NETO1: variants seen among roughly 807,000 people sequenced by gnomAD.
The protein encoded by NETO1 is neuropilin and tolloid like 1.
In NETO1, 26 loss-of-function variants were observed where a neutral mutation model predicts 61.3. The ratio of observed to expected loss-of-function variants is 0.42; its 90% CI spans 0.31 to 0.59. The LOEUF (loss-of-function observed/expected upper bound fraction) is 0.59, where lower values mean the gene tolerates loss of function less well. NETO1 is among the 20% of genes least tolerant of loss of function. NETO1 has a pLI of 0.12. For synonymous variants in NETO1, 225 were observed against 225.8 expected (o/e 1.00, Z 0.03); for missense variants, 531 against 662.8 (o/e 0.80, Z 2.18).
intron 1 of NETO1, chr18:72,865,522 T>TGTCACACACAGTACAGTGGGACTACAGGA (rs879940821): frequency 8.2e-6 from 13 of 1,583,550 alleles, no homozygotes; most frequent in African/African-American, 1.3e-5. Flanking sequence ...AATTTACTCA[T>TGTCACACACAGTACAGTGGGACTACAGGA]GTCACACACA....
chr18:72,792,258 C>T (rs1169982346), intron 6 of NETO1, among the ~76,000 whole-genome samples: 7 of 151,972 alleles, frequency 4.6e-5, no homozygotes, highest in African/African-American at 1.7e-4. Flanking sequence ...GTGGAGAAAC[C>T]CCGTCTCTAA....
rs111487783 is a variant in NETO1, at chr18:72,828,039, G to A, written c.469+30787C>T. 3.1e-3 allele frequency among the ~76,000 whole-genome samples: 478 copies of A among 152,296 alleles called. 3 individuals carry two copies. Among genetic ancestry groups the A allele is most frequent in the African/African-American group, 0.01 (436 of 41,566 alleles). On this transcript the variant is annotated intron_variant, in intron 4 of 10. Transcript: ENST00000327305. ...CAATAAATTAAAAATGCAGCCAGGC[G>A]TGGTGGCTCACGCCTGTAATCCCAA...
In NETO1 at chr18:72,772,759, C is replaced by CTATCTATA. The variant is rs1555684130; in HGVS notation, c.868+10918_868+10919insTATAGATA. ...CACACACACATCTCTCTATATATAT[C>CTATCTATA]TATATATATATATATATACAGATCT... On this transcript the variant is annotated intron_variant, in intron 7 of 10. Transcript: ENST00000327305. 4.0e-4 allele frequency among the ~76,000 whole-genome samples: 41 copies of CTATCTATA among 102,346 alleles called. 2 individuals are homozygous for CTATCTATA. The highest frequency in any genetic ancestry group is 6.6e-4 in the Non-Finnish European group (34 of 51,462). 67.1% of individuals were successfully genotyped at this position (102,346 alleles called of 152,430 possible). A position where few individuals can be genotyped will look rare whatever the true frequency, so the allele number is the denominator to read the frequency against.
chr18:72,802,291 C>T (rs984442358), intron 4 of NETO1, among the ~76,000 whole-genome samples: 1 of 152,118 alleles, frequency 6.6e-6, no homozygotes, highest in Non-Finnish European at 1.5e-5. Context: ...GGTCGAGAAG[C>T]TCACAGGAGG....
At chr18:72,751,076 C>CACACACACACACAA (rs770327024) in intron 8 of NETO1, among the ~76,000 whole-genome samples, 2 of 151,768 alleles carry the variant, frequency 1.3e-5, no homozygotes, top group African/African-American at 4.8e-5. Flanking sequence ...CACACACACA[C>CACACACACACACAA]AATCTATCTA....
intron 7 of NETO1, among the ~76,000 whole-genome samples, chr18:72,759,400 C>A (rs918400499): frequency 3.3e-5 from 5 of 152,028 alleles, no homozygotes; most frequent in African/African-American, 7.3e-5. Flanking sequence ...ATATTTGAGG[C>A]TTGTGACTAT....
intron 3 of NETO1, among the ~76,000 whole-genome samples, chr18:72,860,869 G>C (rs895707475): frequency 6.6e-6 from 1 of 152,140 alleles, no homozygotes; most frequent in Non-Finnish European, 1.5e-5. Flanking sequence ...TCAGTACTAA[G>C]TATAGCGCTT....
intron 7 of NETO1, among the ~76,000 whole-genome samples, chr18:72,768,603 G>A (rs753988182): frequency 4.6e-5 from 7 of 152,164 alleles, no homozygotes; most frequent in African/African-American, 9.7e-5. Context: ...AGAATTATTC[G>A]GGATTATCCA....
At chr18:72,798,287 GAGGGATCT>G (rs2072387874) in intron 4 of NETO1, among the ~76,000 whole-genome samples, 2 of 152,168 alleles carry the variant, frequency 1.3e-5, no homozygotes, top group South Asian at 4.1e-4. Flanking sequence ...CTGTGCATGC[GAGGGATCT>G]AGGGTGCACG....
intron 4 of NETO1, among the ~76,000 whole-genome samples, chr18:72,814,899 A>G (rs2072982879): frequency 6.6e-6 from 1 of 152,034 alleles, no homozygotes; most frequent in South Asian, 2.1e-4. Flanking sequence ...GAGAAATAAA[A>G]ATCTACCACC....
intron 3 of NETO1, among the ~76,000 whole-genome samples, chr18:72,863,578 C>T (rs983751478): frequency 1.3e-5 from 2 of 152,070 alleles, no homozygotes. Context: ...GTTTTGCCTT[C>T]TTACAGTGTG....
chr18:72,821,872 T>C (rs1006825517), intron 4 of NETO1, among the ~76,000 whole-genome samples: 1 of 152,164 alleles, frequency 6.6e-6, no homozygotes, highest in Non-Finnish European at 1.5e-5. Context: ...AGAATCATAA[T>C]GGGTAAAGCC....
At position 72,864,947 on chromosome 18, in the gene NETO1, T is replaced by G; in HGVS notation, c.83-2A>C. On this transcript the variant is annotated splice_acceptor_variant, in intron 2 of 10. Coordinates refer to ENST00000327305, the MANE Select transcript of NETO1 (RefSeq NM_138966.5). LOFTEE classifies it high-confidence loss of function. ...GTGTTTCTGAGGTGGTTTGCTTTTC[T>G]GTTAAAAAAAAAAAAAAGTTTTAAA... 1 of 1,561,480 alleles carries G rather than the reference T, an allele frequency of 6.4e-7. No homozygotes were observed. The highest frequency in any genetic ancestry group is 8.6e-7 in the Non-Finnish European group (1 of 1,164,628).
At chr18:72,780,699 T>C (rs2145217589) in intron 7 of NETO1, among the ~76,000 whole-genome samples, 1 of 152,336 alleles carries the variant, frequency 6.6e-6, no homozygotes, top group Admixed American at 6.5e-5. Context: ...CCCCCTAAAT[T>C]GCGCTCAAAA....
intron 4 of NETO1, among the ~76,000 whole-genome samples, chr18:72,852,010 T>C: frequency 6.6e-6 from 1 of 152,308 alleles, no homozygotes; most frequent in Non-Finnish European, 1.5e-5. Context: ...AATTCCAAGG[T>C]CTTTTCTAAT....
chr18:72,862,623 T>C (rs199570064), intron 3 of NETO1, among the ~76,000 whole-genome samples: 43 of 34,952 alleles, frequency 1.2e-3, no homozygotes, highest in East Asian at 6.4e-3. Context: ...TTTTTTTTTC[T>C]TTTTTTTTTT....
chr18:72,794,461 G>A (rs2072243883), intron 4 of NETO1, 57 bp from the exon 5 acceptor site: 2 of 1,508,206 alleles, frequency 1.3e-6, no homozygotes, highest in East Asian at 2.3e-5. Flanking sequence ...CTTACAGTGA[G>A]TTTAAGTTAT....
At chr18:72,769,285 T>G (rs1243592638) in intron 7 of NETO1, among the ~76,000 whole-genome samples, 2 of 152,176 alleles carry the variant, frequency 1.3e-5, no homozygotes, top group African/African-American at 4.8e-5. Context: ...GGATCTGTCA[T>G]GCAGTAAGTC....
At chr18:72,797,852 C>CAG (rs2072370738) in intron 4 of NETO1, among the ~76,000 whole-genome samples, 1 of 152,114 alleles carries the variant, frequency 6.6e-6, no homozygotes, top group Admixed American at 6.5e-5. Context: ...GGAACTTGTC[C>CAG]TTTTGTCTCT....
Sources: allele counts gnomAD v4.1 joint callset (sites outside exome capture counted in the v4.1 genomes callset), GRCh38; gene constraint gnomAD v4.1.1; transcripts MANE v1.5; gene names NCBI Gene and HGNC (gene_info 2026-07-23, HGNC 2026-07-21).